SPATS2: variants seen among roughly 807,000 people sequenced by gnomAD.
The protein encoded by SPATS2 is spermatogenesis-associated serine-rich protein 2.
Under a neutral mutation model 63.7 loss-of-function variants are expected in SPATS2, and 38 were observed. The ratio of observed to expected loss-of-function variants is 0.60; its 90% CI spans 0.46 to 0.78. SPATS2 has a LOEUF of 0.78. Among genes scored for constraint, SPATS2 ranks in the 30% least tolerant of loss-of-function variants. SPATS2 has a pLI of 0.00. For missense variants in SPATS2, 588 were observed against 666.2 expected (o/e 0.88, Z 1.29); for synonymous variants, 207 against 232.9 (o/e 0.89, Z 1.01).
chr12:49,435,176 G>A (rs1412171148), intron 2 of SPATS2, among the ~76,000 whole-genome samples: 5 of 151,380 alleles, frequency 3.3e-5, no homozygotes, highest in Admixed American at 6.6e-5. Flanking sequence ...GACTACAGGC[G>A]CCTGCCACCA....
At position 49,437,479 on chromosome 12, in the gene SPATS2, G is replaced by C. The variant is rs1362926264; in HGVS notation, c.-243-23291G>C. On this transcript the variant is annotated intron_variant, in intron 2 of 13. Transcript: ENST00000552918. ...GCACTTTGGGGGGCCAAGGCAGGCA[G>C]CTGGGAGGTGGAGGTTGTAGCGAGC... is the stretch of plus-strand genomic sequence containing the variant. 1.1e-3 allele frequency among the ~76,000 whole-genome samples: 160 copies of C among 152,346 alleles called. 1 individual carries two copies. The highest frequency in any genetic ancestry group is 1.9e-4 in the East Asian group (1 of 5,178).
intron 2 of SPATS2, among the ~76,000 whole-genome samples, chr12:49,451,533 A>C (rs929794190): frequency 6.6e-6 from 1 of 152,326 alleles, no homozygotes; most frequent in South Asian, 2.1e-4. Flanking sequence ...TTAAAAATTT[A>C]AGAGAAGGAA....
chr12:49,396,439 G>A (rs1398774956), intron 2 of SPATS2, among the ~76,000 whole-genome samples: 1 of 152,166 alleles, frequency 6.6e-6, no homozygotes. Context: ...GTGTATGTGT[G>A]TGTATTTTCT....
intron 9 of SPATS2, among the ~76,000 whole-genome samples, chr12:49,504,810 C>A (rs1317663292): frequency 7.5e-6 from 1 of 134,078 alleles, no homozygotes; most frequent in African/African-American, 3.0e-5. Context: ...TCTCTGTTGA[C>A]CATACTGGAG....
At chr12:49,437,006 G>C (rs1469903347) in intron 2 of SPATS2, among the ~76,000 whole-genome samples, 3 of 152,042 alleles carry the variant, frequency 2.0e-5, no homozygotes, top group Non-Finnish European at 4.4e-5. Context: ...GCCGGGCGGG[G>C]GGCTGACCCC....
At chr12:49,444,915 CTTTTTGTATA>C (rs993613460) in intron 2 of SPATS2, among the ~76,000 whole-genome samples, 12 of 152,062 alleles carry the variant, frequency 7.9e-5, no homozygotes, top group African/African-American at 2.9e-4. Context: ...GATACCATTA[CTTTTTGTATA>C]TTGGTTTAAT....
intron 3 of SPATS2, among the ~76,000 whole-genome samples, chr12:49,475,236 G>A (rs1253983054): frequency 6.6e-6 from 1 of 152,092 alleles, no homozygotes; most frequent in Non-Finnish European, 1.5e-5. Flanking sequence ...AATGCATACA[G>A]GGTTATTCCT....
At chr12:49,402,140 C>T (rs1211473063) in intron 2 of SPATS2, among the ~76,000 whole-genome samples, 1 of 152,186 alleles carries the variant, frequency 6.6e-6, no homozygotes, top group Non-Finnish European at 1.5e-5. Context: ...CCATGCCCAG[C>T]TGTTAGTTTT....
chr12:49,453,653 A>T (rs1271523224), intron 2 of SPATS2, among the ~76,000 whole-genome samples: 1 of 151,910 alleles, frequency 6.6e-6, no homozygotes, highest in African/African-American at 2.4e-5. Context: ...CTCTGCAAAA[A>T]ATAAAAGAAG....
At chr12:49,486,594 G>A (rs968963258) in intron 4 of SPATS2, among the ~76,000 whole-genome samples, 2 of 152,030 alleles carry the variant, frequency 1.3e-5, no homozygotes, top group Non-Finnish European at 2.9e-5. Flanking sequence ...ATTAACCTTC[G>A]TTGAATTACA....
intron 6 of SPATS2, 49 bp from the exon 7 acceptor site, chr12:49,494,692 G>C: frequency 6.8e-7 from 1 of 1,460,362 alleles, no homozygotes; most frequent in Non-Finnish European, 9.1e-7. Context: ...GGTTGTGGGG[G>C]AATCTTTTCT....
At chr12:49,470,502 G>T (rs1022121543) in intron 3 of SPATS2, among the ~76,000 whole-genome samples, 5 of 152,108 alleles carry the variant, frequency 3.3e-5, no homozygotes, top group Admixed American at 3.3e-4. Context: ...AAACTAAATT[G>T]TAAATTATAT....
chr12:49,378,360 C>T (rs987501730), intron 2 of SPATS2, among the ~76,000 whole-genome samples: 69 of 151,294 alleles, frequency 4.6e-4, no homozygotes, highest in Non-Finnish European at 9.1e-4. Flanking sequence ...TGCAGTGGCT[C>T]GAACTCGGCT....
chr12:49,385,880 T>TGTTTTTTG (rs1369042080), intron 2 of SPATS2, among the ~76,000 whole-genome samples: 14 of 150,942 alleles, frequency 9.3e-5, no homozygotes, highest in Non-Finnish European at 1.8e-4. Context: ...TTTTGTTTTT[T>TGTTTTTTG]TTTTTTGAGA....
At chr12:49,404,118 A>G (rs939079644) in intron 2 of SPATS2, among the ~76,000 whole-genome samples, 1 of 152,288 alleles carries the variant, frequency 6.6e-6, no homozygotes, top group Non-Finnish European at 1.5e-5. Context: ...TGGATTTACA[A>G]TCTTGCAGGG....
At chr12:49,377,306 A>G (rs1415137541) in intron 2 of SPATS2, among the ~76,000 whole-genome samples, 1 of 152,186 alleles carries the variant, frequency 6.6e-6, no homozygotes, top group Non-Finnish European at 1.5e-5. Context: ...ATTATATGAT[A>G]TTATTGTAAT....
intron 5 of SPATS2, among the ~76,000 whole-genome samples, chr12:49,489,862 G>T (rs527439301): frequency 1.3e-5 from 2 of 152,268 alleles, no homozygotes; most frequent in Non-Finnish European, 1.5e-5. Flanking sequence ...TTGGACTTGG[G>T]TTGAATAAGA....
intron 2 of SPATS2, among the ~76,000 whole-genome samples, chr12:49,391,356 A>G: frequency 6.6e-6 from 1 of 152,192 alleles, no homozygotes; most frequent in East Asian, 1.9e-4. Flanking sequence ...TACTAAAAAT[A>G]CAAAAATTAG....
intron 2 of SPATS2, among the ~76,000 whole-genome samples, chr12:49,413,881 A>G (rs1944841486): frequency 6.6e-6 from 1 of 152,170 alleles, no homozygotes; most frequent in African/African-American, 2.4e-5. Flanking sequence ...AGAAATACAG[A>G]AAAATGGGAG....
Sources: gnomAD v4.1 joint callset for allele counts (sites outside exome capture counted in the v4.1 genomes callset) on GRCh38, gnomAD v4.1.1 for gene constraint, MANE v1.5 for transcripts, NCBI Gene and HGNC (gene_info 2026-07-23, HGNC 2026-07-21) for gene names.